Variants in ERC1 observed in about 807,000 individuals in gnomAD.
ERC1 encodes the protein ELKS/RAB6-interacting/CAST family member 1, also known as RAB6 interacting protein 2.
In ERC1, 56 loss-of-function variants were observed where a neutral mutation model predicts 132.0. The ratio of observed to expected loss-of-function variants is 0.42; its 90% CI spans 0.34 to 0.53. The LOEUF is 0.53. Among genes scored for constraint, ERC1 ranks in the 20% least tolerant of loss-of-function variants. The probability of loss-of-function intolerance (pLI) is 0.03; values close to 1 mark genes in which losing one functional copy is unlikely to be tolerated. For synonymous variants in ERC1, 478 were observed against 476.1 expected (o/e 1.00, Z -0.05); for missense variants, 1,202 against 1,349.9 (o/e 0.89, Z 1.72).
At chr12:1,434,633 C>T (rs145276270) in intron 17 of ERC1, among the ~76,000 whole-genome samples, 156 of 152,328 alleles carry the variant, frequency 1.0e-3, no homozygotes, top group African/African-American at 3.1e-3. Flanking sequence ...GATCTCCAGT[C>T]CCTGCTTAAT....
rs554485764 is a variant in ERC1, at chr12:1,185,746, T to C, written c.2157+2325T>C. On this transcript the variant is annotated intron_variant, in intron 11 of 18. Coordinates refer to ENST00000360905, the MANE Select transcript of ERC1 (RefSeq NM_178040.4). ...ACTCTAGGTTGTTTTTTTTTTTTTT[T>C]AATTTATATTGAGGTGACTACAAAA... is the stretch of plus-strand genomic sequence containing the variant. Among the ~76,000 whole-genome samples the C allele has an allele frequency of 2.6e-5, 4 of 151,032 alleles. No homozygotes were observed. In the South Asian group the frequency reaches 8.3e-4, roughly 31 times the overall value.
At chr12:1,448,697 C>T (rs2093361307) in intron 18 of ERC1, among the ~76,000 whole-genome samples, 1 of 152,252 alleles carries the variant, frequency 6.6e-6, no homozygotes. Context: ...CCAACACCAC[C>T]GCCATGAGGA....
chr12:1,194,033 G>A (rs1232635640), intron 12 of ERC1, among the ~76,000 whole-genome samples: 3 of 152,140 alleles, frequency 2.0e-5, no homozygotes, highest in African/African-American at 7.2e-5. Context: ...CAGGAACCCT[G>A]AATGTAACTG....
rs747385893 is a variant in ERC1 at position 1,244,374 on chromosome 12, TAGG to T, written c.2487+7473_2487+7475del. Among the ~76,000 whole-genome samples the T allele has an allele frequency of 1.1e-4, 16 of 152,336 alleles. No homozygotes were observed. The South Asian group carries it at 3.3e-3, about 32-fold the overall frequency. ...GTGATCTCTTGATGTTTTCATGAAA[TAGG>T]AGAAGTAAAGGGAAACACTACTACC... On this transcript the variant is annotated intron_variant, in intron 13 of 18. Transcript: ENST00000360905.
In ERC1 at chr12:1,072,352, G is replaced by A. The variant is rs542336039; in HGVS notation, c.670-10812G>A. 2.0e-5 allele frequency among the ~76,000 whole-genome samples: 3 copies of A among 152,224 alleles called. No homozygotes were observed. The East Asian group carries it at 5.8e-4, about 29-fold the overall frequency. On this transcript the variant is annotated intron_variant, in intron 2 of 18. Transcript: ENST00000360905. The stretch of plus-strand genomic sequence containing the variant: ...ATATGAAGGAAAATTTATGAAGGAA[G>A]AGCAAATTTATTTTCCTTTCAAATA...
intron 15 of ERC1, among the ~76,000 whole-genome samples, chr12:1,367,722 C>T (rs930855090): frequency 7.2e-5 from 11 of 151,990 alleles, no homozygotes; most frequent in African/African-American, 2.7e-4. Flanking sequence ...GCACAAATGC[C>T]GCAGCAGAGC....
chr12:1,164,111 TTTA>T (rs1301425757), intron 8 of ERC1, among the ~76,000 whole-genome samples: 1 of 152,150 alleles, frequency 6.6e-6, no homozygotes, highest in African/African-American at 2.4e-5. Flanking sequence ...TGCTTCCAGA[TTTA>T]TAGATGTTAG....
chr12:1,410,588 C>T (rs771482664), intron 17 of ERC1: 51 of 290,894 alleles, frequency 1.8e-4, no homozygotes, highest in Middle Eastern at 1.2e-3. Flanking sequence ...TTTATTTTCA[C>T]GTGATTCTTG....
chr12:1,356,334 T>C (rs1008452381), intron 15 of ERC1, among the ~76,000 whole-genome samples: 4 of 152,026 alleles, frequency 2.6e-5, no homozygotes, highest in African/African-American at 9.7e-5. Context: ...TTCTATAGTT[T>C]TGAAATCTTT....
intron 15 of ERC1, 36 bp from the exon 16 acceptor site, chr12:1,371,797 G>T (rs745924174): frequency 2.5e-6 from 4 of 1,602,950 alleles, no homozygotes; most frequent in Admixed American, 3.4e-5. Flanking sequence ...GTTGGAAGGG[G>T]TGAATGGCGC....
chr12:1,061,751 TTC>T (rs553268347), intron 2 of ERC1, among the ~76,000 whole-genome samples: 1 of 150,278 alleles, frequency 6.7e-6, no homozygotes, highest in African/African-American at 2.4e-5. Context: ...TGCTTTCTCT[TTC>T]TCTCTCTCTG....
chr12:1,253,238 A>G (rs999785499), intron 13 of ERC1, among the ~76,000 whole-genome samples: 3 of 152,212 alleles, frequency 2.0e-5, no homozygotes, highest in East Asian at 1.9e-4. Context: ...GAGATCTACC[A>G]TCATCAAGTA....
intron 8 of ERC1, among the ~76,000 whole-genome samples, chr12:1,174,273 C>A (rs1045512209): frequency 6.6e-5 from 10 of 152,206 alleles, no homozygotes; most frequent in African/African-American, 2.4e-4. Context: ...GCAGCTTGCC[C>A]AGAGGAGGTA....
rs373301126 is a variant in ERC1, at chr12:1,126,753, G to A, written c.1569+10720G>A. 9.2e-5 allele frequency among the ~76,000 whole-genome samples: 14 copies of A among 152,246 alleles called. 1 individual carries two copies. The South Asian group carries it at 1.7e-3, about 18-fold the overall frequency. ...GCCTGTAATCCCAGCCCTTTGGGAG[G>A]CTGAAGCGGGCGGATCATGAGGTCA... On this transcript the variant is annotated intron_variant, in intron 7 of 18. Coordinates refer to ENST00000360905, the MANE Select transcript of ERC1 (RefSeq NM_178040.4).
intron 12 of ERC1, among the ~76,000 whole-genome samples, chr12:1,207,494 T>G (rs774424824): frequency 4.6e-5 from 7 of 152,238 alleles, no homozygotes; most frequent in Non-Finnish European, 1.0e-4. Context: ...AGCGTATTTC[T>G]TATTATTTTT....
In ERC1 at chr12:1,382,387, C is replaced by T. The variant is rs116343652; in HGVS notation, c.2925+10410C>T. Among the ~76,000 whole-genome samples, 667 of 152,336 alleles carry T rather than the reference C, an allele frequency of 4.4e-3. 1 individual carries two copies. Among genetic ancestry groups the T allele is most frequent in the African/African-American group, 0.015 (639 of 41,574 alleles). ...GGCAGGCACTTCTAACTCCAGCTCT[C>T]GTGACCATGTCAGATGCGAGCCCTG... On this transcript the variant is annotated intron_variant, in intron 16 of 18. Transcript: ENST00000360905.
chr12:1,209,173 TGCTCAG>T (rs1957629339), intron 12 of ERC1, among the ~76,000 whole-genome samples: 1 of 152,048 alleles, frequency 6.6e-6, no homozygotes, highest in Non-Finnish European at 1.5e-5. Flanking sequence ...TTCGCCACGT[TGCTCAG>T]GCTGGTCTTG....
intron 1 of ERC1, among the ~76,000 whole-genome samples, chr12:1,015,970 T>C (rs1185812114): frequency 6.6e-6 from 1 of 151,938 alleles, no homozygotes; most frequent in Non-Finnish European, 1.5e-5. Flanking sequence ...ATATAATATT[T>C]AAATAGCTAA....
intron 17 of ERC1, among the ~76,000 whole-genome samples, chr12:1,408,679 T>A (rs1309173867): frequency 6.6e-6 from 1 of 152,254 alleles, no homozygotes; most frequent in Non-Finnish European, 1.5e-5. Context: ...AATTATGAAC[T>A]CTCTGCTCAT....
Sources: gnomAD v4.1 joint callset for allele counts (sites outside exome capture counted in the v4.1 genomes callset) on GRCh38, gnomAD v4.1.1 for gene constraint, MANE v1.5 for transcripts, NCBI Gene and HGNC (gene_info 2026-07-23, HGNC 2026-07-21) for gene names.